MYO10: variants seen among roughly 807,000 people sequenced by gnomAD.
The protein encoded by MYO10 is myosin X.
In MYO10, 133 loss-of-function variants were observed where a neutral mutation model predicts 257.3. The observed-to-expected ratio is 0.52, with a 90% CI of 0.45 to 0.60. The LOEUF is 0.60. MYO10 is among the 20% of genes least tolerant of loss of function. MYO10 has a pLI of 0.00. For synonymous variants in MYO10, 1,104 were observed against 1,028.6 expected, an observed-to-expected ratio of 1.07 and a Z score of -1.40; for missense variants, 2,399 against 2,635.7, an observed-to-expected ratio of 0.91 and a Z score of 1.97.
At chr5:16,907,133 A>T (rs915870785) in intron 1 of MYO10, among the ~76,000 whole-genome samples, 8 of 152,106 alleles carry the variant, frequency 5.3e-5, no homozygotes, top group African/African-American at 1.9e-4. Context: ...AAAAGAAAGA[A>T]AGAAAGAAAA....
chr5:16,823,884 G>T (rs532021778), intron 2 of MYO10, among the ~76,000 whole-genome samples: 1 of 152,116 alleles, frequency 6.6e-6, no homozygotes, highest in East Asian at 1.9e-4. Flanking sequence ...AATAAACTGA[G>T]TTACTTTAAT....
chr5:16,727,195 AT>A (rs1011566197), intron 19 of MYO10, among the ~76,000 whole-genome samples: 3 of 151,850 alleles, frequency 2.0e-5, no homozygotes, highest in African/African-American at 2.4e-5. Flanking sequence ...AAAAAAAACA[AT>A]TTTTTTTTAC....
chr5:16,732,240 G>A (rs574420091), intron 19 of MYO10, among the ~76,000 whole-genome samples: 2 of 152,266 alleles, frequency 1.3e-5, no homozygotes, highest in South Asian at 2.1e-4. Context: ...AGGAGGGCAG[G>A]AGGGAAGGAA....
At chr5:16,749,155 G>C (rs1740306004) in intron 19 of MYO10, among the ~76,000 whole-genome samples, 1 of 152,052 alleles carries the variant, frequency 6.6e-6, no homozygotes, top group Non-Finnish European at 1.5e-5. Context: ...CCTGAGGCCT[G>C]GTCTTCAGCC....
intron 2 of MYO10, among the ~76,000 whole-genome samples, chr5:16,850,126 C>T (rs1255282750): frequency 6.6e-6 from 1 of 152,216 alleles, no homozygotes; most frequent in East Asian, 1.9e-4. Flanking sequence ...TGATATCCTT[C>T]AGTGTATTCG....
At chr5:16,675,281 C>T (rs139838164) in intron 34 of MYO10, 131 bp from the exon 35 acceptor site, 9,837 of 858,622 alleles carry the variant, frequency 0.011, 76 homozygotes, top group Non-Finnish European at 0.014. Context: ...ACTCCCTATA[C>T]ATCTCAATCA....
At chr5:16,741,673 G>T in intron 19 of MYO10, 1 of 593,922 alleles carries the variant, frequency 1.7e-6, no homozygotes, top group Non-Finnish European at 2.1e-6. Flanking sequence ...TAACCCACTT[G>T]TAAACACTTC....
intron 21 of MYO10, among the ~76,000 whole-genome samples, chr5:16,707,570 T>C (rs910285364): frequency 1.3e-5 from 2 of 152,210 alleles, no homozygotes; most frequent in African/African-American, 2.4e-5. Context: ...GCATGCTTCA[T>C]TGCCACAGAA....
At position 16,874,196 on chromosome 5, in the gene MYO10, T is replaced by C. The variant is rs188615729; in HGVS notation, c.120+3413A>G. ...AAAAACACAAAAAATTAGCTGGGCA[T>C]GGTGGCAGGCGCCTGTAGTCCCAGC... On this transcript the variant is annotated intron_variant, in intron 2 of 40. Transcript: ENST00000513610. Among the ~76,000 whole-genome samples, 691 of 151,728 alleles carry C rather than the reference T, an allele frequency of 4.6e-3. 5 individuals carry two copies. The highest frequency in any genetic ancestry group is 0.016 in the African/African-American group (666 of 41,398).
intron 1 of MYO10, among the ~76,000 whole-genome samples, chr5:16,878,906 C>T (rs1470697413): frequency 1.3e-5 from 2 of 151,416 alleles, no homozygotes; most frequent in African/African-American, 4.9e-5. Context: ...GATGGGTGCG[C>T]CAGAATCTCA....
chr5:16,788,259 G>A (rs153408), intron 4 of MYO10, among the ~76,000 whole-genome samples: 51,057 of 151,944 alleles, frequency 0.34, 9,044 homozygotes, highest in Non-Finnish European at 0.39. Flanking sequence ...GGCCTGGCCA[G>A]GGGGTGGGCA....
At position 16,813,407 on chromosome 5, in the gene MYO10, ATAGTCCTATATATTATATACTG is replaced by A. The variant is rs1323083812; in HGVS notation, c.279+4580_279+4601del. On this transcript the variant is annotated intron_variant, in intron 3 of 40. Coordinates refer to ENST00000513610, the MANE Select transcript of MYO10 (RefSeq NM_012334.3). ...TAACCAAGTGCAGTGGCTCACACCT[ATAGTCCTATATATTATATACTG>A]TAGTACTATATATATACTCAGGCGA... is the stretch of plus-strand genomic sequence containing the variant. 9.1e-4 allele frequency among the ~76,000 whole-genome samples: 138 copies of A among 152,196 alleles called. 1 individual carries two copies. Among genetic ancestry groups the A allele is most frequent in the Middle Eastern group, 6.8e-3 (2 of 292 alleles).
At chr5:16,861,993 C>T (rs1744121299) in intron 2 of MYO10, among the ~76,000 whole-genome samples, 1 of 152,116 alleles carries the variant, frequency 6.6e-6, no homozygotes, top group Non-Finnish European at 1.5e-5. Context: ...CAGCATGGTG[C>T]CTGCTGGAGA....
In MYO10 at chr5:16,670,793, G is replaced by A; in HGVS notation, c.5616C>T (p.Thr1872=). Reference sequence around the variant, plus strand: ...GCCTCTTCTCCAGCCGTTCACAAGGGGTGAAGGTTTTGGTTGACTGGCTGA... The same window carrying A: ...GCCTCTTCTCCAGCCGTTCACAAGGAGTGAAGGTTTTGGTTGACTGGCTGA... The part of the protein sequence containing the change: ...ARISQSTKTF[T]PCERLEKRRT... Residue 1872 remains threonine (T), a synonymous_variant, in exon 39 of 41, where the codon ACC becomes ACT. Coordinates refer to ENST00000513610, the MANE Select transcript of MYO10 (RefSeq NM_012334.3). 3 of 1,614,030 alleles carry A rather than the reference G, an allele frequency of 1.9e-6. No individual in the cohort carries two copies. The highest frequency in any genetic ancestry group is 2.5e-6 in the Non-Finnish European group (3 of 1,179,904).
At chr5:16,725,091 T>TC (rs1208708145) in intron 19 of MYO10, among the ~76,000 whole-genome samples, 57 of 136,488 alleles carry the variant, frequency 4.2e-4, no homozygotes, top group African/African-American at 1.5e-3. Flanking sequence ...TTTTTTTTTT[T>TC]TTTTTTTTTT....
At chr5:16,789,934 C>CAAT (rs1741704196) in intron 4 of MYO10, among the ~76,000 whole-genome samples, 2 of 152,114 alleles carry the variant, frequency 1.3e-5, no homozygotes, top group Non-Finnish European at 2.9e-5. Flanking sequence ...TCTTGGGCCC[C>CAAT]TCTGAGGAAT....
chr5:16,841,224 AT>A (rs1306724659), intron 2 of MYO10, among the ~76,000 whole-genome samples: 2 of 152,052 alleles, frequency 1.3e-5, no homozygotes, highest in Non-Finnish European at 2.9e-5. Flanking sequence ...AACAGTTATT[AT>A]TCAGAAACAA....
intron 9 of MYO10, among the ~76,000 whole-genome samples, chr5:16,769,426 C>T (rs762485223): frequency 7.9e-5 from 12 of 152,292 alleles, no homozygotes; most frequent in Middle Eastern, 6.8e-3. Flanking sequence ...CCTCCGCCTC[C>T]TGGGTTCAAG....
At chr5:16,831,507 G>A (rs1743161006) in intron 2 of MYO10, among the ~76,000 whole-genome samples, 1 of 146,290 alleles carries the variant, frequency 6.8e-6, no homozygotes, top group African/African-American at 2.5e-5. Flanking sequence ...AAGAAACTGT[G>A]GTATATATAT....
Sources: allele counts gnomAD v4.1 joint callset (sites outside exome capture counted in the v4.1 genomes callset), GRCh38; gene constraint gnomAD v4.1.1; transcripts MANE v1.5; gene names NCBI Gene and HGNC (gene_info 2026-07-23, HGNC 2026-07-21).